The following SLC24A3 variants were observed in gnomAD, a reference collection of about 807,000 sequenced individuals.
SLC24A3 encodes sodium/potassium/calcium exchanger 3.
A neutral mutation model predicts 75.8 loss-of-function variants in SLC24A3; 28 were observed. The ratio of observed to expected loss-of-function variants is 0.37; its 90% CI spans 0.27 to 0.51. The LOEUF (loss-of-function observed/expected upper bound fraction) is 0.51. Ranked by LOEUF, SLC24A3 falls within the 20% of genes least tolerant of loss-of-function variation. The pLI is 0.94. For missense variants in SLC24A3, 663 were observed against 847.8 expected, an observed-to-expected ratio of 0.78 and a Z score of 2.71; for synonymous variants, 372 against 334.1, an observed-to-expected ratio of 1.11 and a Z score of -1.24.
intron 2 of SLC24A3, among the ~76,000 whole-genome samples, chr20:19,302,628 T>C (rs12481174): frequency 0.3 from 45,382 of 152,126 alleles, 7,572 homozygotes; most frequent in Middle Eastern, 0.53. Context: ...CTGGCCTGTG[T>C]TTAATATTTT....
intron 2 of SLC24A3, among the ~76,000 whole-genome samples, chr20:19,491,405 G>A (rs980886463): frequency 1.3e-5 from 2 of 152,202 alleles, no homozygotes; most frequent in African/African-American, 2.4e-5. Context: ...GTTGTCTGCT[G>A]TGTTCCTGAG....
At chr20:19,554,612 T>C (rs942996) in intron 3 of SLC24A3, among the ~76,000 whole-genome samples, 90,742 of 152,088 alleles carry the variant, frequency 0.6, 28,673 homozygotes, top group Non-Finnish European at 0.69. Context: ...TAAGCCTAAA[T>C]AGGAAACCAT....
chr20:19,225,057 G>C (rs908356301), intron 1 of SLC24A3, among the ~76,000 whole-genome samples: 1 of 152,154 alleles, frequency 6.6e-6, no homozygotes, highest in African/African-American at 2.4e-5. Flanking sequence ...GGTTGCTTTA[G>C]AAGAGAGTTT....
chr20:19,606,361 G>C (rs1232209532), intron 6 of SLC24A3, among the ~76,000 whole-genome samples: 2 of 152,186 alleles, frequency 1.3e-5, no homozygotes, highest in African/African-American at 4.8e-5. Context: ...CATTGGCTCA[G>C]GCAGTGCCCA....
intron 2 of SLC24A3, among the ~76,000 whole-genome samples, chr20:19,375,711 G>A (rs1252516162): frequency 6.6e-6 from 1 of 152,212 alleles, no homozygotes; most frequent in Non-Finnish European, 1.5e-5. Context: ...CAGGGGCCAG[G>A]CGCCCAGCCC....
At chr20:19,654,701 G>A (rs2032246429) in intron 7 of SLC24A3, among the ~76,000 whole-genome samples, 1 of 141,222 alleles carries the variant, frequency 7.1e-6, no homozygotes, top group African/African-American at 2.7e-5. Context: ...AGGCAGGAGT[G>A]CAGTGGAGTG....
intron 12 of SLC24A3, among the ~76,000 whole-genome samples, chr20:19,687,448 C>T (rs1275899291): frequency 6.6e-6 from 1 of 152,246 alleles, no homozygotes; most frequent in Non-Finnish European, 1.5e-5. Context: ...GCTCATCCCA[C>T]TCACAGACCC....
chr20:19,514,169 C>T (rs2122556930), intron 2 of SLC24A3, among the ~76,000 whole-genome samples: 1 of 152,300 alleles, frequency 6.6e-6, no homozygotes, highest in Non-Finnish European at 1.5e-5. Flanking sequence ...CACAAATCCT[C>T]CGGGCAAGCC....
chr20:19,444,511 G>A (rs1343037076), intron 2 of SLC24A3, among the ~76,000 whole-genome samples: 1 of 152,104 alleles, frequency 6.6e-6, no homozygotes, highest in Non-Finnish European at 1.5e-5. Flanking sequence ...TAATGATGTA[G>A]GCTTATTCAG....
At chr20:19,233,935 C>G (rs1982096294) in intron 1 of SLC24A3, among the ~76,000 whole-genome samples, 1 of 152,190 alleles carries the variant, frequency 6.6e-6, no homozygotes, top group Non-Finnish European at 1.5e-5. Context: ...TAATTTCTCT[C>G]TAATTTGATT....
At chr20:19,505,695 G>T (rs1410821634) in intron 2 of SLC24A3, among the ~76,000 whole-genome samples, 1 of 152,080 alleles carries the variant, frequency 6.6e-6, no homozygotes, top group Non-Finnish European at 1.5e-5. Flanking sequence ...GAGGGAGCTG[G>T]GGTACTTATA....
intron 2 of SLC24A3, among the ~76,000 whole-genome samples, chr20:19,302,889 T>C (rs1984227347): frequency 1.3e-5 from 2 of 152,166 alleles, no homozygotes; most frequent in African/African-American, 2.4e-5. Context: ...GTAGTTAATA[T>C]TATCGTCACC....
intron 2 of SLC24A3, among the ~76,000 whole-genome samples, chr20:19,355,451 G>A (rs1568598077): frequency 6.6e-6 from 1 of 152,156 alleles, no homozygotes; most frequent in Non-Finnish European, 1.5e-5. Flanking sequence ...ATAAACAAGT[G>A]CAACTTCCTT....
chr20:19,701,339 C>T (rs1335850253), intron 15 of SLC24A3, among the ~76,000 whole-genome samples: 1 of 131,432 alleles, frequency 7.6e-6, no homozygotes, highest in Non-Finnish European at 1.6e-5. Flanking sequence ...TTTGGTGCCC[C>T]CCGAAACATA....
At chr20:19,633,117 T>A (rs553092636) in intron 6 of SLC24A3, among the ~76,000 whole-genome samples, 11 of 152,256 alleles carry the variant, frequency 7.2e-5, no homozygotes, top group Admixed American at 7.2e-4. Flanking sequence ...GAGACAACTT[T>A]ATGTAGCATA....
intron 1 of SLC24A3, among the ~76,000 whole-genome samples, chr20:19,279,914 C>T (rs778794163): frequency 9.2e-5 from 14 of 152,116 alleles, no homozygotes; most frequent in South Asian, 4.1e-4. Flanking sequence ...TCGAGCACCA[C>T]GGCATCTGCC....
At chr20:19,549,389 A>G (rs570250566) in intron 3 of SLC24A3, among the ~76,000 whole-genome samples, 3 of 152,260 alleles carry the variant, frequency 2.0e-5, no homozygotes, top group African/African-American at 4.8e-5. Flanking sequence ...TGTAGAATCA[A>G]TATCTCAGGT....
At chr20:19,391,866 C>T (rs1450609351) in intron 2 of SLC24A3, among the ~76,000 whole-genome samples, 3 of 152,188 alleles carry the variant, frequency 2.0e-5, no homozygotes, top group Non-Finnish European at 4.4e-5. Context: ...TATAAAGAGA[C>T]ATTCTGGAGA....
At chr20:19,522,926 A>T (rs1251978358) in intron 3 of SLC24A3, among the ~76,000 whole-genome samples, 1 of 152,194 alleles carries the variant, frequency 6.6e-6, no homozygotes, top group Non-Finnish European at 1.5e-5. Flanking sequence ...TTGTGATGAA[A>T]ACATTTAAAA....
Sources: allele counts gnomAD v4.1 joint callset (sites outside exome capture counted in the v4.1 genomes callset), GRCh38; gene constraint gnomAD v4.1.1; transcripts MANE v1.5; gene names NCBI Gene and HGNC (gene_info 2026-07-23, HGNC 2026-07-21).